The following LRRIQ1 variants were observed in gnomAD, a reference collection of about 807,000 sequenced individuals.
LRRIQ1 encodes leucine-rich repeat- and IQ domain-containing protein 1.
A neutral mutation model predicts 211.9 loss-of-function variants in LRRIQ1; 210 were observed. The observed-to-expected ratio is 0.99, with a 90% confidence interval of 0.89 to 1.11. LRRIQ1 has a LOEUF of 1.11. LRRIQ1 is among the 50% of genes most tolerant of loss of function. The pLI, the probability that LRRIQ1 is intolerant of heterozygous loss-of-function variation, is 0.00. For missense variants in LRRIQ1, 2,136 were observed against 1,939.5 expected (o/e 1.10, Z -1.90); for synonymous variants, 699 against 650.1 (o/e 1.08, Z -1.14).
intron 24 of LRRIQ1, among the ~76,000 whole-genome samples, chr12:85,211,995 G>A (rs188307536): frequency 6.6e-6 from 1 of 152,258 alleles, no homozygotes; most frequent in East Asian, 1.9e-4. Context: ...GGCCAAGCAT[G>A]GTGGTTCACA....
intron 24 of LRRIQ1, among the ~76,000 whole-genome samples, chr12:85,226,068 T>A (rs1894637499): frequency 6.6e-6 from 1 of 152,206 alleles, no homozygotes; most frequent in Non-Finnish European, 1.5e-5. Flanking sequence ...TGGATCCTTA[T>A]GATTAAATCT....
intron 11 of LRRIQ1, among the ~76,000 whole-genome samples, chr12:85,095,426 G>A (rs772345552): frequency 6.6e-6 from 1 of 152,078 alleles, no homozygotes; most frequent in African/African-American, 2.4e-5. Flanking sequence ...TTATTGATTT[G>A]CATGTATTAA....
chr12:85,051,888 A>G lies in LRRIQ1; in HGVS notation c.679-289A>G, dbSNP rs563546649. ...CATTATTGTAATTTTTACAATGCCT[A>G]ACAGTGTTTCGAGCCAATACATTAT... On this transcript the variant is annotated intron_variant, in intron 6 of 26. Coordinates refer to ENST00000393217, the MANE Select transcript of LRRIQ1 (RefSeq NM_001079910.2). Among the ~76,000 whole-genome samples, 3 of 152,288 alleles carry G rather than the reference A, an allele frequency of 2.0e-5. No individual in the cohort carries two copies. The East Asian group carries it at 5.8e-4, about 29-fold the overall frequency.
Position 85,154,096 on chromosome 12 carries a change from TG to T in LRRIQ1, c.4720+3del. On this transcript the variant is annotated splice_donor_region_variant and intron_variant, in intron 23 of 26. Coordinates refer to ENST00000393217, the MANE Select transcript of LRRIQ1 (RefSeq NM_001079910.2). ...CGAAGAAACTAAAGAAAAAAATAGG[TG>T]AGTAATTAGTGCTCTTTGAATAATA... The T allele has an allele frequency of 6.5e-7, 1 of 1,534,420 alleles. No individual in the cohort carries two copies. The highest frequency in any genetic ancestry group is 8.8e-7 in the Non-Finnish European group (1 of 1,130,868).
chr12:85,223,699 A>G (rs779963167), intron 24 of LRRIQ1, among the ~76,000 whole-genome samples: 2 of 152,188 alleles, frequency 1.3e-5, no homozygotes, highest in African/African-American at 4.8e-5. Context: ...AAAACAGAGT[A>G]GAAACTAAAA....
intron 13 of LRRIQ1, among the ~76,000 whole-genome samples, chr12:85,102,156 A>G (rs1314193270): frequency 1.3e-5 from 2 of 151,634 alleles, no homozygotes; most frequent in Non-Finnish European, 3.0e-5. Context: ...GCATGTAACA[A>G]TTATACAGAA....
At chr12:85,245,517 CAT>C (rs1895677938), downstream of LRRIQ1, among the ~76,000 whole-genome samples, 2 of 147,792 alleles carry the variant, frequency 1.4e-5, no homozygotes, top group Non-Finnish European at 3.0e-5. Context: ...ATTTATATAA[CAT>C]ATTTGTTATA....
intron 8 of LRRIQ1, 143 bp downstream of exon 8, chr12:85,057,327 A>G (rs1004473977): frequency 1.5e-5 from 10 of 681,242 alleles, no homozygotes; most frequent in Non-Finnish European, 8.8e-6. Context: ...ATATTACCCC[A>G]TTTGGGAGGG....
chr12:85,180,607 A>G (rs763682915), intron 24 of LRRIQ1, among the ~76,000 whole-genome samples: 24 of 151,884 alleles, frequency 1.6e-4, no homozygotes, highest in Non-Finnish European at 1.5e-5. Flanking sequence ...TTCTTTGTCC[A>G]TTTCCTCATT....
intron 23 of LRRIQ1, 37 bp from the exon 24 acceptor site, chr12:85,160,576 A>G (rs1174160111): frequency 1.5e-6 from 2 of 1,320,052 alleles, no homozygotes; most frequent in Non-Finnish European, 2.2e-6. Flanking sequence ...AATTAACCAA[A>G]GATGAACTCT....
In LRRIQ1 at chr12:85,236,830, C is replaced by T. The variant is rs369036519; in HGVS notation, c.5016+4074C>T. Among the ~76,000 whole-genome samples the T allele has an allele frequency of 2.7e-3, 292 of 108,742 alleles. 4 individuals are homozygous for T. The highest frequency in any genetic ancestry group is 0.011 in the African/African-American group (252 of 22,308). The allele number at this position is 108,742 out of a possible 152,430, so 71.3% of individuals were successfully genotyped here. On this transcript the variant is annotated intron_variant, in intron 26 of 26. Transcript: ENST00000393217. ...CTGGATATATGTATGTGTATGTGTG[C>T]ATATATATATATATATATATATATA...
chr12:85,168,328 C>T (rs370112933), intron 24 of LRRIQ1, among the ~76,000 whole-genome samples: 2 of 152,066 alleles, frequency 1.3e-5, no homozygotes, highest in African/African-American at 2.4e-5. Flanking sequence ...ACTCATATTC[C>T]GCCTTACCTC....
chr12:85,249,321 G>A (rs1160653314), downstream of LRRIQ1, among the ~76,000 whole-genome samples: 1 of 151,690 alleles, frequency 6.6e-6, no homozygotes, highest in Non-Finnish European at 1.5e-5. Flanking sequence ...AAATCAAGAA[G>A]GTAGCATGTT....
chr12:85,232,724 G>A lies in LRRIQ1; in HGVS notation c.4984G>A (p.Asp1662Asn). ...TCACTTTTTGCCTGAGTTAGATCCA[G>A]ATGTACTTAATGGTGGAAGAGTTCA... is the stretch of plus-strand genomic sequence containing the variant. ...CNHFLPELDP[D>N]VLNGGRVQLV... The change falls in exon 26 of 27, where the codon GAT (aspartate) becomes AAT (asparagine). Residue 1662 changes from aspartate to asparagine, a missense_variant. Coordinates refer to ENST00000393217, the MANE Select transcript of LRRIQ1 (RefSeq NM_001079910.2). 3 of 1,612,826 alleles carry A rather than the reference G, an allele frequency of 1.9e-6. No individual in the cohort carries two copies. Among genetic ancestry groups the A allele is most frequent in the Non-Finnish European group, 2.5e-6 (3 of 1,179,306 alleles).
chr12:85,079,353 A>G (rs1884028418), intron 11 of LRRIQ1, among the ~76,000 whole-genome samples: 1 of 144,486 alleles, frequency 6.9e-6, no homozygotes, highest in Non-Finnish European at 1.5e-5. Flanking sequence ...TCTTGGGTAG[A>G]TGGGATATTA....
chr12:85,163,969 G>C (rs531145459), intron 24 of LRRIQ1, among the ~76,000 whole-genome samples: 1 of 152,050 alleles, frequency 6.6e-6, no homozygotes. Context: ...TCACCTATTA[G>C]CCAGTTTTTC....
chr12:85,049,341 G>A (rs7316900), intron 6 of LRRIQ1, among the ~76,000 whole-genome samples: 1 of 151,476 alleles, frequency 6.6e-6, no homozygotes, highest in Non-Finnish European at 1.5e-5. Flanking sequence ...CTTCCTCTTT[G>A]AATTACACAG....
intron 15 of LRRIQ1, among the ~76,000 whole-genome samples, chr12:85,116,833 G>A (rs889521704): frequency 2.0e-5 from 3 of 151,272 alleles, no homozygotes; most frequent in African/African-American, 7.3e-5. Context: ...GTTTGCTAAG[G>A]ATAATAGCCT....
intron 24 of LRRIQ1, among the ~76,000 whole-genome samples, chr12:85,177,027 G>C (rs183643180): frequency 3.9e-5 from 6 of 152,042 alleles, no homozygotes; most frequent in African/African-American, 1.4e-4. Context: ...CGTGATTTTG[G>C]TTAAGTTACT....
Sources: gnomAD v4.1 joint callset for allele counts (sites outside exome capture counted in the v4.1 genomes callset) on GRCh38, gnomAD v4.1.1 for gene constraint, MANE v1.5 for transcripts, NCBI Gene and HGNC (gene_info 2026-07-23, HGNC 2026-07-21) for gene names.